The following ERICH1 variants were observed in gnomAD, a reference collection of about 807,000 sequenced individuals.
ERICH1 encodes the protein glutamate-rich protein 1.
ERICH1 carries 56 observed loss-of-function variants against 39.6 expected under a neutral mutation model. The ratio of observed to expected loss-of-function variants is 1.41; its 90% CI spans 1.14 to 1.77. ERICH1 has a LOEUF of 1.77. Among genes scored for constraint, ERICH1 ranks in the 40% most tolerant of loss-of-function variants. The pLI is 0.00. For synonymous variants in ERICH1, 313 were observed against 223.6 expected (o/e 1.40, Z -3.57); for missense variants, 826 against 575.4 (o/e 1.44, Z -4.45).
chr8:695,083 G>C (rs1453990256), intron 2 of ERICH1, among the ~76,000 whole-genome samples: 1 of 151,604 alleles, frequency 6.6e-6, no homozygotes, highest in Non-Finnish European at 1.5e-5. Flanking sequence ...GGTTTCACCA[G>C]TGTCACCTCT....
intron 1 of ERICH1, among the ~76,000 whole-genome samples, chr8:721,485 G>A (rs564069819): frequency 1.5e-4 from 23 of 152,218 alleles, no homozygotes; most frequent in Non-Finnish European, 2.5e-4. Context: ...AGCGCCGAGC[G>A]TGCGGCCCCC....
At chr8:624,017 A>G (rs1448544507) in intron 3 of ERICH1, among the ~76,000 whole-genome samples, 1 of 152,230 alleles carries the variant, frequency 6.6e-6, no homozygotes, top group African/African-American at 2.4e-5. Flanking sequence ...CGAGGGACTA[A>G]TATCCAAAAT....
At chr8:702,385 G>A (rs1812356646) in intron 2 of ERICH1, among the ~76,000 whole-genome samples, 1 of 152,118 alleles carries the variant, frequency 6.6e-6, no homozygotes, top group Non-Finnish European at 1.5e-5. Flanking sequence ...TTAAAGACAC[G>A]CTGGGAATCT....
At chr8:730,205 A>G (rs1397364679) in intron 1 of ERICH1, among the ~76,000 whole-genome samples, 3 of 152,230 alleles carry the variant, frequency 2.0e-5, no homozygotes, top group Non-Finnish European at 4.4e-5. Context: ...TCAGGTGACA[A>G]TTCCCTGGTC....
At chr8:674,137 T>C (rs1208309879) in intron 3 of ERICH1, 90 bp from the exon 4 acceptor site, 6 of 1,393,844 alleles carry the variant, frequency 4.3e-6, no homozygotes, top group East Asian at 2.4e-5. Context: ...CAGGATCTTG[T>C]AGTTTTAGTA....
chr8:722,858 G>C (rs879316196), intron 1 of ERICH1, among the ~76,000 whole-genome samples: 2 of 152,200 alleles, frequency 1.3e-5, no homozygotes, highest in African/African-American at 4.8e-5. Context: ...AAAACCGATA[G>C]GACCACATGC....
intron 4 of ERICH1, chr8:672,223 A>C (rs1585176178): frequency 6.6e-6 from 1 of 152,296 alleles, no homozygotes; most frequent in Non-Finnish European, 1.5e-5. Context: ...TCACACACAG[A>C]ATAGAAAGTT....
Position 664,524 on chromosome 8 carries a change from A to G in ERICH1, c.*79T>C. The G allele has an allele frequency of 1.4e-6, 2 of 1,480,084 alleles. No individual in the cohort carries two copies. Among genetic ancestry groups the G allele is most frequent in the Non-Finnish European group, 1.8e-6 (2 of 1,112,750 alleles). 91.7% of individuals were successfully genotyped at this position (1,480,084 alleles called of 1,614,324 possible). A position where few individuals can be genotyped will look rare whatever the true frequency, so the allele number is the denominator to read the frequency against. On this transcript the variant is annotated 3_prime_UTR_variant, in exon 6 of 6. Coordinates refer to ENST00000262109, the MANE Select transcript of ERICH1 (RefSeq NM_207332.3). ...TAAATGTCTTTCAAGTTCCCAGAGA[A>G]CTAACTCTAAGCCCATCTCACATTT... is the stretch of plus-strand genomic sequence containing the variant.
chr8:687,882 G>A (rs1025038599), intron 3 of ERICH1, among the ~76,000 whole-genome samples: 7 of 152,106 alleles, frequency 4.6e-5, no homozygotes, highest in African/African-American at 1.2e-4. Context: ...CGGAACCGGC[G>A]CAGGCCTCCG....
intron 2 of ERICH1, among the ~76,000 whole-genome samples, chr8:712,627 C>T (rs1422669024): frequency 6.6e-6 from 1 of 152,086 alleles, no homozygotes; most frequent in East Asian, 1.9e-4. Flanking sequence ...GACGGGGTTT[C>T]TACTGTCTAC....
chr8:698,618 T>C (rs1810924076), intron 2 of ERICH1, among the ~76,000 whole-genome samples: 1 of 152,160 alleles, frequency 6.6e-6, no homozygotes, highest in Non-Finnish European at 1.5e-5. Flanking sequence ...AAAAACATTT[T>C]TAAAAAATTC....
chr8:671,372 C>T (rs71231914), intron 4 of ERICH1, among the ~76,000 whole-genome samples: 2,837 of 110,468 alleles, frequency 0.026, 10 homozygotes, highest in Middle Eastern at 0.1. Context: ...AACCTGCCGG[C>T]CCCGGCTCTA....
At chr8:718,488 C>T (rs1816545662) in intron 1 of ERICH1, among the ~76,000 whole-genome samples, 1 of 152,154 alleles carries the variant, frequency 6.6e-6, no homozygotes. Context: ...TTTCATGTTT[C>T]AAATGAAAAT....
At chr8:624,370 G>A (rs1797473535) in intron 3 of ERICH1, among the ~76,000 whole-genome samples, 1 of 152,196 alleles carries the variant, frequency 6.6e-6, no homozygotes, top group Non-Finnish European at 1.5e-5. Flanking sequence ...TCCCAAAAAG[G>A]TGAACACAGA....
chr8:699,139 T>A (rs917132348), intron 2 of ERICH1, among the ~76,000 whole-genome samples: 1 of 151,954 alleles, frequency 6.6e-6, no homozygotes, highest in Admixed American at 6.6e-5. Context: ...ACCCACTAAA[T>A]ATCAGCTCAG....
chr8:649,807 G>GT (rs1201051385), intron 3 of ERICH1, among the ~76,000 whole-genome samples: 1 of 152,226 alleles, frequency 6.6e-6, no homozygotes, highest in Non-Finnish European at 1.5e-5. Context: ...GGCGGACGGC[G>GT]TATCAGAGCA....
chr8:713,761 G>C (rs1256251010), intron 2 of ERICH1, among the ~76,000 whole-genome samples: 1 of 152,158 alleles, frequency 6.6e-6, no homozygotes, highest in East Asian at 1.9e-4. Flanking sequence ...TCCATTATAA[G>C]GTGTGTGAAA....
intron 1 of ERICH1, among the ~76,000 whole-genome samples, chr8:722,611 G>A (rs191673690): frequency 1.4e-4 from 21 of 152,322 alleles, no homozygotes; most frequent in African/African-American, 4.6e-4. Context: ...AAATGCAGTT[G>A]CTGAATTTAA....
At chr8:643,086 A>T (rs985449109) in intron 3 of ERICH1, among the ~76,000 whole-genome samples, 9 of 151,876 alleles carry the variant, frequency 5.9e-5, no homozygotes, top group Non-Finnish European at 8.8e-5. Flanking sequence ...GCCCCAGGAC[A>T]TCGGGTGCCC....
Sources: gnomAD v4.1 joint callset for allele counts (sites outside exome capture counted in the v4.1 genomes callset) on GRCh38, gnomAD v4.1.1 for gene constraint, MANE v1.5 for transcripts, NCBI Gene and HGNC (gene_info 2026-07-23, HGNC 2026-07-21) for gene names.